The following LRRTM4 variants were observed in gnomAD, a reference collection of about 807,000 sequenced individuals.
The protein encoded by LRRTM4 is leucine-rich repeat transmembrane neuronal protein 4.
A neutral mutation model predicts 47.6 loss-of-function variants in LRRTM4; 25 were observed. That is an observed-to-expected ratio of 0.53 (90% CI 0.38 to 0.73). LRRTM4 has a LOEUF of 0.73. Ranked by LOEUF, LRRTM4 falls within the 30% of genes least tolerant of loss-of-function variation. LRRTM4 has a pLI of 0.00. For missense variants in LRRTM4, 638 were observed against 713.4 expected (o/e 0.89, Z 1.20); for synonymous variants, 311 against 269.5 (o/e 1.15, Z -1.51).
chr2:77,410,051 T>C (rs886550853), intron 3 of LRRTM4, among the ~76,000 whole-genome samples: 1 of 152,244 alleles, frequency 6.6e-6, no homozygotes, highest in Admixed American at 6.5e-5. Flanking sequence ...TTTCTTTATA[T>C]ATATATAATG....
At chr2:77,303,924 G>A (rs1219046970) in intron 3 of LRRTM4, among the ~76,000 whole-genome samples, 1 of 152,140 alleles carries the variant, frequency 6.6e-6, no homozygotes, top group Non-Finnish European at 1.5e-5. Context: ...ACACAGGACT[G>A]CAGGAATCTC....
At chr2:76,809,223 T>C (rs990650493) in intron 3 of LRRTM4, among the ~76,000 whole-genome samples, 1 of 152,204 alleles carries the variant, frequency 6.6e-6, no homozygotes, top group African/African-American at 2.4e-5. Flanking sequence ...CTCCTGTACA[T>C]ACACATACAT....
chr2:76,998,776 T>A (rs2104015738), intron 3 of LRRTM4, among the ~76,000 whole-genome samples: 1 of 151,734 alleles, frequency 6.6e-6, no homozygotes, highest in African/African-American at 2.4e-5. Flanking sequence ...TCTGTTTTTT[T>A]TTTTTTTCCT....
intron 3 of LRRTM4, among the ~76,000 whole-genome samples, chr2:77,172,281 T>A (rs1673069279): frequency 6.6e-6 from 1 of 152,138 alleles, no homozygotes; most frequent in Admixed American, 6.6e-5. Flanking sequence ...AGAATCCATA[T>A]ATATGCTACT....
intron 3 of LRRTM4, among the ~76,000 whole-genome samples, chr2:76,806,506 A>T (rs542085316): frequency 6.6e-6 from 1 of 152,174 alleles, no homozygotes; most frequent in South Asian, 2.1e-4. Flanking sequence ...TCTTGAACCC[A>T]GCTGGCGGAG....
At chr2:77,203,161 T>A (rs1285550748) in intron 3 of LRRTM4, among the ~76,000 whole-genome samples, 1 of 152,002 alleles carries the variant, frequency 6.6e-6, no homozygotes, top group African/African-American at 2.4e-5. Context: ...ACTGAGTTCC[T>A]TAGCAGTGAG....
At chr2:77,428,518 T>G (rs1260280679) in intron 3 of LRRTM4, among the ~76,000 whole-genome samples, 2 of 152,200 alleles carry the variant, frequency 1.3e-5, no homozygotes, top group Admixed American at 1.3e-4. Flanking sequence ...AATCACTCAT[T>G]TAATGTGAGA....
At chr2:76,804,021 G>A (rs963738356) in intron 3 of LRRTM4, among the ~76,000 whole-genome samples, 2 of 152,160 alleles carry the variant, frequency 1.3e-5, no homozygotes, top group African/African-American at 4.8e-5. Flanking sequence ...AGCACTTTCT[G>A]TGTTACTCTG....
chr2:77,077,416 A>G lies in LRRTM4; in HGVS notation c.1552-328500T>C, dbSNP rs548940546. ...ATAGATAGTACAAGTCAGACATATTAGAGATATTTTCAAGTTCTTCCAGGA... is the reference window on the plus strand; with the variant it reads ...ATAGATAGTACAAGTCAGACATATTGGAGATATTTTCAAGTTCTTCCAGGA... On this transcript the variant is annotated intron_variant, in intron 3 of 3. Coordinates refer to ENST00000409884, the MANE Select transcript of LRRTM4 (RefSeq NM_001134745.3). Among the ~76,000 whole-genome samples, 17 of 152,312 alleles carry G rather than the reference A, an allele frequency of 1.1e-4. No individual in the cohort carries two copies. The East Asian group carries it at 2.9e-3, about 26-fold the overall frequency.
intron 3 of LRRTM4, among the ~76,000 whole-genome samples, chr2:77,193,114 T>G (rs562578491): frequency 1.3e-5 from 2 of 152,204 alleles, no homozygotes; most frequent in Non-Finnish European, 2.9e-5. Context: ...TTTGTAATGC[T>G]TGGATACGCA....
intron 3 of LRRTM4, among the ~76,000 whole-genome samples, chr2:76,945,308 C>T (rs529118221): frequency 6.6e-6 from 1 of 152,142 alleles, no homozygotes; most frequent in Non-Finnish European, 1.5e-5. Context: ...ATAGGATTTG[C>T]TTCAATGTAT....
intron 3 of LRRTM4, among the ~76,000 whole-genome samples, chr2:77,051,908 T>C (rs1679445114): frequency 1.3e-5 from 2 of 152,206 alleles, no homozygotes; most frequent in South Asian, 4.1e-4. Context: ...TCTACTATGC[T>C]ACTATCTTCA....
At chr2:77,261,633 T>C (rs1394251329) in intron 3 of LRRTM4, among the ~76,000 whole-genome samples, 2 of 151,928 alleles carry the variant, frequency 1.3e-5, no homozygotes, top group Non-Finnish European at 2.9e-5. Context: ...CGGAAAAGGG[T>C]CCCAGGATCT....
chr2:76,759,208 C>T (rs759610020), intron 3 of LRRTM4, among the ~76,000 whole-genome samples: 1 of 152,086 alleles, frequency 6.6e-6, no homozygotes, highest in Non-Finnish European at 1.5e-5. Context: ...AATTCCACTT[C>T]CCTGTGGTTT....
chr2:77,220,386 C>T (rs139916717), intron 3 of LRRTM4, among the ~76,000 whole-genome samples: 2,588 of 152,220 alleles, frequency 0.017, 37 homozygotes, highest in South Asian at 0.029. Context: ...GAGAAGAAGG[C>T]TTCCGAAGAT....
intron 3 of LRRTM4, among the ~76,000 whole-genome samples, chr2:77,161,107 G>A (rs1007266019): frequency 6.6e-6 from 1 of 152,118 alleles, no homozygotes; most frequent in African/African-American, 2.4e-5. Flanking sequence ...ACCTTCCACA[G>A]ACTTTTCTGC....
At chr2:77,419,900 C>T (rs1301442864) in intron 3 of LRRTM4, among the ~76,000 whole-genome samples, 1 of 152,156 alleles carries the variant, frequency 6.6e-6, no homozygotes. Flanking sequence ...GAAACATGAT[C>T]GGTAAACATA....
At chr2:77,041,196 G>A (rs1679020494) in intron 3 of LRRTM4, among the ~76,000 whole-genome samples, 1 of 151,434 alleles carries the variant, frequency 6.6e-6, no homozygotes, top group South Asian at 2.1e-4. Context: ...TGCTTGCCTT[G>A]CTTCATTTAA....
At chr2:77,239,527 A>G (rs562995641) in intron 3 of LRRTM4, among the ~76,000 whole-genome samples, 2 of 152,050 alleles carry the variant, frequency 1.3e-5, no homozygotes, top group South Asian at 4.1e-4. Context: ...CCCCAACTGT[A>G]TGCTGTCCAC....
Sources: gnomAD v4.1 joint callset for allele counts (sites outside exome capture counted in the v4.1 genomes callset) on GRCh38, gnomAD v4.1.1 for gene constraint, MANE v1.5 for transcripts, NCBI Gene and HGNC (gene_info 2026-07-23, HGNC 2026-07-21) for gene names.